ANKHD1: variants seen among roughly 807,000 people sequenced by gnomAD.
ANKHD1 encodes the protein ankyrin repeat and KH domain containing 1.
A neutral mutation model predicts 230.5 loss-of-function variants in ANKHD1; 31 were observed. The observed-to-expected ratio is 0.13, with a 90% CI of 0.10 to 0.18. The LOEUF is 0.18. Ranked by LOEUF, ANKHD1 falls within the 10% of genes least tolerant of loss-of-function variation. ANKHD1 has a pLI of 1.00. For missense variants in ANKHD1, 2,256 were observed against 3,071.3 expected, an observed-to-expected ratio of 0.73 and a Z score of 6.27; for synonymous variants, 1,074 against 1,117.6, an observed-to-expected ratio of 0.96 and a Z score of 0.78.
chr5:140,491,139 C>CACACATATATATAT (rs1460352213), intron 14 of ANKHD1, among the ~76,000 whole-genome samples: 2 of 56,350 alleles, frequency 3.5e-5, no homozygotes, highest in African/African-American at 1.2e-4. Flanking sequence ...TATATATACA[C>CACACATATATATAT]ATATATATAT....
In ANKHD1 at chr5:140,529,302, A is replaced by G; in HGVS notation, c.6356A>G (p.Asp2119Gly). The G allele has an allele frequency of 6.2e-7, 1 of 1,614,206 alleles. No homozygotes were observed. Among genetic ancestry groups the G allele is most frequent in the South Asian group, 1.1e-5 (1 of 91,084 alleles). The change falls in exon 29 of 34, where the codon GAC becomes GGC. Residue 2119 changes from aspartate (D) to glycine (G), a missense_variant. Transcript: ENST00000360839. Reference protein sequence around the residue: ...SPRMVAADNQDTSNLPQLAVP... With the variant: ...SPRMVAADNQGTSNLPQLAVP... ...AGAATGGTTGCTGCTGATAATCAGG[A>G]CACCAGTAATTTACCTCAGTTAGCT...
Position 140,402,222 on chromosome 5 carries a change from G to A in ANKHD1, c.255G>A (p.Arg85=). The change falls in exon 1 of 34, where the codon AGG becomes AGA. Residue 85 remains arginine, a synonymous_variant. Transcript: ENST00000360839. ...TCAAGTTGGCGGCTGCCGTGCTGAG[G>A]ACCGGGGGTGGAGGTGGTGCCTCTG... is the stretch of plus-strand genomic sequence containing the variant. ...LDFKLAAAVL[R]TGGGGGASGS... The A allele has an allele frequency of 2.6e-6, 4 of 1,521,874 alleles. No individual in the cohort carries two copies. Among genetic ancestry groups the A allele is most frequent in the Non-Finnish European group, 3.5e-6 (4 of 1,139,450 alleles). The allele number at this position is 1,521,874 out of a possible 1,614,324, so 94.3% of individuals were successfully genotyped here. A position where few individuals can be genotyped will look rare whatever the true frequency, so the allele number is the denominator to read the frequency against.
chr5:140,415,456 T>G (rs565920198), intron 1 of ANKHD1, among the ~76,000 whole-genome samples: 179 of 150,178 alleles, frequency 1.2e-3, no homozygotes, highest in African/African-American at 4.3e-3. Context: ...TTTTTTTTTT[T>G]GAGATGGAGT....
At position 140,496,872 on chromosome 5, in the gene ANKHD1, A is replaced by C; in HGVS notation, c.2598A>C (p.Thr866=). The part of the protein sequence containing the change: ...EYLETKGQKD[T]VSLHQQCSHR... ...TGGAAACCAAAGGTCAGAAAGACAC[A>C]GTGTCTCTACACCAACAGTGCTCTC... The change falls in exon 15 of 34, where the codon ACA becomes ACC. Residue 866 remains threonine (T), a synonymous_variant. Transcript: ENST00000360839. 6.2e-7 allele frequency: 1 copy of C among 1,614,196 alleles called. No individual in the cohort carries two copies. The highest frequency in any genetic ancestry group is 1.3e-5 in the African/African-American group (1 of 75,068).
In ANKHD1 at chr5:140,485,438, G is replaced by GTATA; in HGVS notation, c.1999-142_1999-139dup. 1 of 693,300 alleles carries GTATA rather than the reference G, an allele frequency of 1.4e-6. No homozygotes were observed. Among genetic ancestry groups the GTATA allele is most frequent in the South Asian group, 3.0e-5 (1 of 32,842 alleles). The allele number at this position is 693,300 out of a possible 1,614,324, so 42.9% of individuals were successfully genotyped here. A position where few individuals can be genotyped will look rare whatever the true frequency, so the allele number is the denominator to read the frequency against. Reference sequence around the variant, plus strand: ...CACACACACACACACGTATGTATGTGTATATATATATAAATAATATGTGTA... The same window carrying GTATA: ...CACACACACACACACGTATGTATGTGTATATATATATATATAAATAATATGTGTA... On this transcript the variant is annotated intron_variant, in intron 12 of 33. Coordinates refer to ENST00000360839, the MANE Select transcript of ANKHD1 (RefSeq NM_017747.3). The surrounding 1 kb of genome is among the most constrained non-coding windows in gnomAD (Gnocchi z 4.8).
At chr5:140,498,224 A>G (rs1301524407) in intron 15 of ANKHD1, 1 of 151,884 alleles carries the variant, frequency 6.6e-6, no homozygotes, top group Non-Finnish European at 1.5e-5. Flanking sequence ...TGATTGCAAC[A>G]TTTTTTTCCT....
At chr5:140,479,762 G>GTATA (rs1751179397) in intron 10 of ANKHD1, among the ~76,000 whole-genome samples, 1 of 148,602 alleles carries the variant, frequency 6.7e-6, no homozygotes, top group Admixed American at 6.8e-5. Flanking sequence ...ATATACCTAT[G>GTATA]TATGTATATG....
intron 2 of ANKHD1, 146 bp from the exon 3 acceptor site, chr5:140,438,315 G>T: frequency 8.3e-7 from 1 of 1,203,090 alleles, no homozygotes; most frequent in Non-Finnish European, 1.1e-6. Context: ...GAATTGATAA[G>T]CCTTATCTTC....
At chr5:140,525,966 TATG>T (rs1753593220) in intron 25 of ANKHD1, 27 bp from the exon 26 acceptor site, 2 of 1,534,638 alleles carry the variant, frequency 1.3e-6, no homozygotes, top group African/African-American at 2.8e-5. Flanking sequence ...TGTGACTCAG[TATG>T]ATTTTTATTC....
chr5:140,503,248 A>G (rs368426991), intron 15 of ANKHD1, among the ~76,000 whole-genome samples: 1 of 152,080 alleles, frequency 6.6e-6, no homozygotes, highest in East Asian at 1.9e-4. Flanking sequence ...TTTTTTGTAT[A>G]TTATTACTGA....
chr5:140,464,743 T>A lies in ANKHD1; in HGVS notation c.1749T>A (p.Val583=), dbSNP rs770471290. ...TYACENGHTD[V]ADVLLQAGAD... The stretch of plus-strand genomic sequence containing the variant: ...CTTGTGAAAATGGACATACGGATGT[T>A]GCAGATGTTTTACTTCAAGCAGGGG... The change falls in exon 10 of 34, where the codon GTT becomes GTA. Residue 583 remains valine (V), a synonymous_variant. Transcript: ENST00000360839. The A allele has an allele frequency of 3.5e-5, 56 of 1,608,240 alleles. No individual in the cohort carries two copies. The highest frequency in any genetic ancestry group is 4.5e-5 in the Non-Finnish European group (53 of 1,175,820).
rs571824893 is a variant in ANKHD1 at position 140,535,233 on chromosome 5, A to C, written c.6851-129A>C. ...GTTTTTGCTGTGGTCTATGAAAATG[A>C]GCCACATGCTATCTTTTATTTATTT... On this transcript the variant is annotated intron_variant, in intron 29 of 33. Transcript: ENST00000360839. The C allele has an allele frequency of 1.7e-3, 2,402 of 1,376,332 alleles. 6 individuals carry two copies. The highest frequency in any genetic ancestry group is 1.5e-3 in the Non-Finnish European group (1,517 of 1,033,548). The allele number at this position is 1,376,332 out of a possible 1,614,324, so 85.3% of individuals were successfully genotyped here.
At chr5:140,532,197 C>T (rs1262140639) in intron 29 of ANKHD1, among the ~76,000 whole-genome samples, 1 of 145,348 alleles carries the variant, frequency 6.9e-6, no homozygotes, top group Non-Finnish European at 1.5e-5. Flanking sequence ...CAGAGCGAGA[C>T]TCTGTCTTAA....
intron 5 of ANKHD1, among the ~76,000 whole-genome samples, chr5:140,442,200 C>T (rs369138286): frequency 2.6e-5 from 4 of 151,624 alleles, no homozygotes; most frequent in East Asian, 1.9e-4. Flanking sequence ...CCACCACTCC[C>T]GGCTAATTTT....
rs147923918 is a variant in ANKHD1, at chr5:140,487,416, A to G, written c.2245+356A>G. ...AATAGTAAATGAAGAGTAAAAATGCATATTTGCTATCTAGTTAAGTCTTTG... is the reference window on the plus strand; with the variant it reads ...AATAGTAAATGAAGAGTAAAAATGCGTATTTGCTATCTAGTTAAGTCTTTG... On this transcript the variant is annotated intron_variant, in intron 14 of 33. Transcript: ENST00000360839. Among the ~76,000 whole-genome samples, 71 of 152,328 alleles carry G rather than the reference A, an allele frequency of 4.7e-4. 1 individual carries two copies. The highest frequency in any genetic ancestry group is 6.8e-3 in the Middle Eastern group (2 of 294).
intron 7 of ANKHD1, among the ~76,000 whole-genome samples, chr5:140,450,899 TC>T: frequency 6.6e-6 from 1 of 152,248 alleles, no homozygotes; most frequent in East Asian, 1.9e-4. Flanking sequence ...ATGCCTGTAA[TC>T]CTAGCACTTT....
At chr5:140,520,479 C>T (rs1309045687) in intron 24 of ANKHD1, among the ~76,000 whole-genome samples, 5 of 152,096 alleles carry the variant, frequency 3.3e-5, no homozygotes, top group African/African-American at 9.6e-5. Context: ...CACATGCACA[C>T]GTATGTTTAT....
chr5:140,462,921 C>T (rs1775819197), intron 9 of ANKHD1, among the ~76,000 whole-genome samples: 1 of 152,032 alleles, frequency 6.6e-6, no homozygotes. Context: ...TTGTGGCTCA[C>T]TGCAACTTTG....
At chr5:140,448,291 G>A (rs781465117) in intron 6 of ANKHD1, among the ~76,000 whole-genome samples, 8 of 152,056 alleles carry the variant, frequency 5.3e-5, no homozygotes, top group Non-Finnish European at 1.0e-4. Flanking sequence ...GCCTATTGTT[G>A]GACACTTAAA....
Sources: gnomAD v4.1 joint callset for allele counts (sites outside exome capture counted in the v4.1 genomes callset) on GRCh38, gnomAD v4.1.1 for gene constraint, Gnocchi (gnomAD v3.1) non-coding constraint, MANE v1.5 for transcripts, NCBI Gene and HGNC (gene_info 2026-07-23, HGNC 2026-07-21) for gene names.